Variants in SPEG observed in about 807,000 individuals in gnomAD.
SPEG encodes striated muscle enriched protein kinase.
Under a neutral mutation model 300.4 loss-of-function variants are expected in SPEG, and 114 were observed. The ratio of observed to expected loss-of-function variants is 0.38; its 90% confidence interval spans 0.33 to 0.44. The LOEUF is 0.44. SPEG is among the 20% of genes least tolerant of loss of function. The pLI is 1.00. For missense variants in SPEG, 4,201 were observed against 4,586.2 expected (o/e 0.92, Z 2.43); for synonymous variants, 1,964 against 2,018.9 (o/e 0.97, Z 0.73).
At position 219,493,048 on chromosome 2, in the gene SPEG, A is replaced by C. The variant is rs1426899064; in HGVS notation, c.*262A>C. 1.5e-6 allele frequency: 1 copy of C among 689,162 alleles called. No homozygotes were observed. The highest frequency in any genetic ancestry group is 2.0e-5 in the Admixed American group (1 of 49,468). 42.7% of individuals were successfully genotyped at this position (689,162 alleles called of 1,614,324 possible). ...GGAACAGGCAGAGGGACAAGAGGGG[A>C]ATGGAGAAGTGGAGAGGAAAAGGAA... is the stretch of plus-strand genomic sequence containing the variant. On this transcript the variant is annotated 3_prime_UTR_variant, in exon 41 of 41. Transcript: ENST00000312358.
At chr2:219,453,393 A>G (rs1206350546) in intron 6 of SPEG, among the ~76,000 whole-genome samples, 2 of 152,254 alleles carry the variant, frequency 1.3e-5, no homozygotes, top group African/African-American at 4.8e-5. Flanking sequence ...GAGCTTTATG[A>G]ACTGTAAAGC....
intron 4 of SPEG, chr2:219,450,600 A>G (rs2125300589): frequency 6.6e-6 from 1 of 152,424 alleles, no homozygotes; most frequent in South Asian, 2.1e-4. Flanking sequence ...TGGTGAACGG[A>G]TGAAATCAAA....
chr2:219,444,972 C>G lies in SPEG; in HGVS notation c.626C>G (p.Pro209Arg), dbSNP rs773788051. 3.1e-6 allele frequency: 5 copies of G among 1,606,696 alleles called. No homozygotes were observed. Among genetic ancestry groups the G allele is most frequent in the South Asian group, 1.1e-5 (1 of 90,266 alleles). ...AGTGGGGGTGGCACCCGCCGCCTCC[C>G]GGGCAGCCCAAGGCAAGCACAGGCA... ...AGSGGGTRRL[P>R]GSPRQAQATG... The change falls in exon 3 of 41, where the codon CCG becomes CGG. Residue 209 changes from proline to arginine, a missense_variant. Pro to Arg is a moderately radical substitution (Grantham distance 103, BLOSUM62 -2). Transcript: ENST00000312358. The surrounding 1 kb of genome is among the most constrained non-coding windows in gnomAD (Gnocchi z 7.8).
In SPEG at chr2:219,445,308, C is replaced by T. The variant is rs1689199305; in HGVS notation, c.815+147C>T. ...TCACCCCCTGCTGCCACTCCATCTT[C>T]CCACACTGCTCCCTCCTCCTCCTGA... On this transcript the variant is annotated intron_variant, in intron 3 of 40. Coordinates refer to ENST00000312358, the MANE Select transcript of SPEG (RefSeq NM_005876.5). The surrounding 1 kb of genome is among the most constrained non-coding windows in gnomAD (Gnocchi z 6.1). The T allele has an allele frequency of 1.2e-6, 1 of 804,824 alleles. No individual in the cohort carries two copies. Among genetic ancestry groups the T allele is most frequent in the East Asian group, 2.7e-5 (1 of 37,324 alleles). 49.9% of individuals were successfully genotyped at this position (804,824 alleles called of 1,614,324 possible).
At chr2:219,466,349 C>T in intron 9 of SPEG, 1 of 1,399,834 alleles carries the variant, frequency 7.1e-7, no homozygotes, top group Non-Finnish European at 9.2e-7. Context: ...TATCAACCCC[C>T]CGAGTCTCTC....
chr2:219,450,996 CTT>C (rs777036540), intron 4 of SPEG, 138 bp from the exon 5 acceptor site: 53 of 825,782 alleles, frequency 6.4e-5, no homozygotes, highest in Middle Eastern at 4.9e-4. Flanking sequence ...GGCAGACCCT[CTT>C]CTCCCCAAGT....
At chr2:219,442,183 G>A in intron 1 of SPEG, 2 of 768,470 alleles carry the variant, frequency 2.6e-6, no homozygotes, top group African/African-American at 1.8e-5. Context: ...TGGAGGGGGC[G>A]CTGGATCGGC....
At chr2:219,465,457 G>A (rs1691180510) in intron 9 of SPEG, 2 of 156,594 alleles carry the variant, frequency 1.3e-5, no homozygotes, top group African/African-American at 2.4e-5. Context: ...TCCTGTAGTT[G>A]CCACTTCCTT....
intron 8 of SPEG, among the ~76,000 whole-genome samples, 170 bp downstream of exon 8, chr2:219,462,556 GC>G (rs1214452596): frequency 2.0e-5 from 3 of 152,238 alleles, no homozygotes; most frequent in Non-Finnish European, 2.9e-5. Flanking sequence ...CCTGTCCCTT[GC>G]CCCATGTTCC....
rs1255607462 is a variant in SPEG at position 219,443,603 on chromosome 2, G to A, written c.389-1050G>A. The A allele has an allele frequency of 3.6e-6, 1 of 279,098 alleles. No individual in the cohort carries two copies. The highest frequency in any genetic ancestry group is 9.3e-5 in the East Asian group (1 of 10,776). The allele number at this position is 279,098 out of a possible 1,614,324, so 17.3% of individuals were successfully genotyped here. Reference sequence around the variant, plus strand: ...AGTAGAAGGGAGGGACCTTGAGGAAGGTGCCTGTCACATCATGATGCAGAC... The same window carrying A: ...AGTAGAAGGGAGGGACCTTGAGGAAAGTGCCTGTCACATCATGATGCAGAC... On this transcript the variant is annotated intron_variant, in intron 1 of 40. Transcript: ENST00000312358. The surrounding 1 kb of genome is among the most constrained non-coding windows in gnomAD (Gnocchi z 4.6).
In SPEG at chr2:219,485,392, G is replaced by A. The variant is rs1384901415; in HGVS notation, c.7656G>A (p.Pro2552=). The change falls in exon 31 of 41, where the codon CCG becomes CCA. Residue 2552 remains proline, a synonymous_variant. Coordinates refer to ENST00000312358, the MANE Select transcript of SPEG (RefSeq NM_005876.5). ...RSRLRWGFSR[P]RKDKGLSPPN... is the part of the protein sequence containing the mutation. ...GGCTCCGCTGGGGCTTCTCTCGGCC[G>A]CGGAAGGACAAGGGGTTATCGCCAC... 4 of 1,608,224 alleles carry A rather than the reference G, an allele frequency of 2.5e-6. No homozygotes were observed. Among genetic ancestry groups the A allele is most frequent in the Non-Finnish European group, 3.4e-6 (4 of 1,177,544 alleles).
rs1690352714 is a variant in SPEG, at chr2:219,458,288, G to A, written c.2441-3594G>A. On this transcript the variant is annotated intron_variant, in intron 6 of 40. Coordinates refer to ENST00000312358, the MANE Select transcript of SPEG (RefSeq NM_005876.5). This position sits in a 1 kb window ranked among gnomAD's most constrained non-coding sequence, Gnocchi z 4.2. ...CCAGCCACAAGGGTCATGAGGCTCT[G>A]CCTATGAGGGGAGCTTGGCAAAGAG... is the stretch of plus-strand genomic sequence containing the variant. 6.6e-6 allele frequency among the ~76,000 whole-genome samples: 1 copy of A among 152,218 alleles called. No individual in the cohort carries two copies. The highest frequency in any genetic ancestry group is 2.1e-4 in the South Asian group (1 of 4,828).
At chr2:219,442,176 A>AG (rs1474444367) in intron 1 of SPEG, 29 of 835,494 alleles carry the variant, frequency 3.5e-5, no homozygotes, top group Non-Finnish European at 4.0e-5. Flanking sequence ...GGCCCGGTGG[A>AG]GGGGGCGCTG....
At position 219,483,530 on chromosome 2, in the gene SPEG, G is replaced by A. The variant is rs770269062; in HGVS notation, c.6067G>A (p.Ala2023Thr). The change falls in exon 30 of 41, where the codon GCC (alanine) becomes ACC (threonine). Residue 2023 changes from alanine to threonine, a missense_variant. Physicochemically the swap from Ala to Thr is moderately conservative, Grantham distance 58. Around this residue, in one of 4 missense-constraint regions of SPEG, gnomAD observed 1,578 missense variants for 1,506.0 expected, o/e 1.05. Coordinates refer to ENST00000312358, the MANE Select transcript of SPEG (RefSeq NM_005876.5). Reference protein sequence around the residue: ...GSSAESALPRAGPRELGRGLH... With the variant: ...GSSAESALPRTGPRELGRGLH... ...CTCGGCTGAGAGCGCCCTGCCCCGG[G>A]CCGGGCCGCGGGAGCTGGGCCGGGG... The A allele has an allele frequency of 7.1e-7, 1 of 1,406,170 alleles. No homozygotes were observed. Among genetic ancestry groups the A allele is most frequent in the Non-Finnish European group, 9.2e-7 (1 of 1,092,592 alleles). 87.1% of individuals were successfully genotyped at this position (1,406,170 alleles called of 1,614,324 possible).
Position 219,462,386 on chromosome 2 carries a change from G to C in SPEG, c.2705G>C (p.Trp902Ser). The change falls in exon 8 of 41, where the codon TGG becomes TCG. Residue 902 changes from tryptophan (W) to serine (S), a missense_variant and splice_region_variant. By Grantham distance (177) the Trp-to-Ser change is radical. This residue lies in a region of SPEG where 1,047 missense variants were observed against 1,356.8 expected (regional missense o/e 0.77). Coordinates refer to ENST00000312358, the MANE Select transcript of SPEG (RefSeq NM_005876.5). ...VQGEPKPVVS[W>S]LRNRQPVRPD... ...GGGGAGCCCAAGCCTGTGGTCTCCT[G>C]GTGAGTAGCCGCACTTTCCACCACC... 6.4e-7 allele frequency: 1 copy of C among 1,555,660 alleles called. No individual in the cohort carries two copies. The highest frequency in any genetic ancestry group is 1.7e-4 in the Middle Eastern group (1 of 6,000).
Position 219,485,417 on chromosome 2 carries a change from C to T in SPEG, c.7681C>T (p.Pro2561Ser), listed in dbSNP as rs769601129. ...RPRKDKGLSP[P>S]NLSASVQEEL... Reference sequence around the variant, plus strand: ...GCGGAAGGACAAGGGGTTATCGCCACCAAACCTCTCTGCCAGCGTCCAGGA... The same window carrying T: ...GCGGAAGGACAAGGGGTTATCGCCATCAAACCTCTCTGCCAGCGTCCAGGA... Residue 2561 changes from proline (P) to serine (S), a missense_variant, in exon 31 of 41, where the codon CCA becomes TCA. Physicochemically the swap from Pro to Ser is moderately conservative, Grantham distance 74. Around this residue, in one of 4 missense-constraint regions of SPEG, gnomAD observed 1,578 missense variants for 1,506.0 expected, o/e 1.05. Transcript: ENST00000312358. 37 of 1,606,670 alleles carry T rather than the reference C, an allele frequency of 2.3e-5. No individual in the cohort carries two copies. Among genetic ancestry groups the T allele is most frequent in the Non-Finnish European group, 3.1e-5 (36 of 1,176,322 alleles).
Position 219,485,054 on chromosome 2 carries a change from G to T in SPEG, c.7591G>T (p.Ala2531Ser). Residue 2531 changes from alanine (A) to serine (S), a missense_variant, in exon 30 of 41, where the codon GCC (alanine) becomes TCC (serine). By Grantham distance (99) the Ala-to-Ser change is moderately conservative (BLOSUM62 1). This residue lies in a region of SPEG where 1,578 missense variants were observed against 1,506.0 expected (regional missense o/e 1.05). Transcript: ENST00000312358. ...CGAGTCCCTGGGCTCCGAGGCCAGC[G>T]CCACGTCGGGCTCCTCAGGTGAGGA... ...SAESLGSEAS[A>S]TSGSSAPGES... The T allele has an allele frequency of 6.5e-7, 1 of 1,532,492 alleles. No individual in the cohort carries two copies. The highest frequency in any genetic ancestry group is 8.7e-7 in the Non-Finnish European group (1 of 1,145,940). 94.9% of individuals were successfully genotyped at this position (1,532,492 alleles called of 1,614,324 possible). A position where few individuals can be genotyped will look rare whatever the true frequency, so the allele number is the denominator to read the frequency against.
In SPEG at chr2:219,451,292, A is replaced by G; in HGVS notation, c.2257+13A>G. 3 of 1,600,018 alleles carry G rather than the reference A, an allele frequency of 1.9e-6. No homozygotes were observed. The highest frequency in any genetic ancestry group is 2.6e-6 in the Non-Finnish European group (3 of 1,173,968). On this transcript the variant is annotated intron_variant, in intron 5 of 40. Coordinates refer to ENST00000312358, the MANE Select transcript of SPEG (RefSeq NM_005876.5). This position sits in a 1 kb window ranked among gnomAD's most constrained non-coding sequence, Gnocchi z 6.4. ...CCCCCGCCCCAAGGTGAGCTCCAGC[A>G]CTGGGCCAAGGTGCGGTCGAGGTTG... is the stretch of plus-strand genomic sequence containing the variant.
chr2:219,464,724 G>A lies in SPEG; in HGVS notation c.2881+116G>A, dbSNP rs1691099337. On this transcript the variant is annotated intron_variant, in intron 9 of 40. Transcript: ENST00000312358. This position sits in a 1 kb window ranked among gnomAD's most constrained non-coding sequence, Gnocchi z 4.5. Reference sequence around the variant, plus strand: ...GCCACCACTGAAAGGGCCTTAAGGGGCCCCTAGTCCAGCTGCTTATATTAT... The same window carrying A: ...GCCACCACTGAAAGGGCCTTAAGGGACCCCTAGTCCAGCTGCTTATATTAT... 2 of 1,028,300 alleles carry A rather than the reference G, an allele frequency of 1.9e-6. No homozygotes were observed. The highest frequency in any genetic ancestry group is 2.9e-6 in the Non-Finnish European group (2 of 700,674). The allele number at this position is 1,028,300 out of a possible 1,614,324, so 63.7% of individuals were successfully genotyped here.
Sources: gnomAD v4.1 joint callset for allele counts (sites outside exome capture counted in the v4.1 genomes callset) on GRCh38, gnomAD v4.1.1 for gene constraint, gnomAD v4.1.1 regional missense constraint, Gnocchi (gnomAD v3.1) non-coding constraint, MANE v1.5 for transcripts, NCBI Gene and HGNC (gene_info 2026-07-23, HGNC 2026-07-21) for gene names.